Variants in SYNJ1 observed in about 807,000 individuals in gnomAD.
The protein encoded by SYNJ1 is polyphosphatidylinositol phosphatase SYNJ1.
Under a neutral mutation model 168.2 loss-of-function variants are expected in SYNJ1, and 78 were observed. That is an observed-to-expected ratio of 0.46 (90% confidence interval 0.39 to 0.56). SYNJ1 has a LOEUF of 0.56. SYNJ1 is among the 20% of genes least tolerant of loss of function. SYNJ1 has a pLI of 0.00. For synonymous variants in SYNJ1, 539 were observed against 548.6 expected (o/e 0.98, Z 0.24); for missense variants, 1,303 against 1,597.6 (o/e 0.82, Z 3.14).
chr21:32,713,901 T>A (rs1160079897), intron 2 of SYNJ1, among the ~76,000 whole-genome samples: 1 of 152,222 alleles, frequency 6.6e-6, no homozygotes, highest in African/African-American at 2.4e-5. Flanking sequence ...GAGGTCTGAA[T>A]AGTGATTATC....
intron 4 of SYNJ1, 34 bp from the exon 5 acceptor site, chr21:32,695,316 G>T: frequency 6.3e-7 from 1 of 1,581,578 alleles, no homozygotes; most frequent in Non-Finnish European, 8.6e-7. Context: ...TTAGCTTATG[G>T]AATACTAAGT....
In SYNJ1 at chr21:32,685,845, C is replaced by T; in HGVS notation, c.1021G>A (p.Gly341Arg). ...VNFDYHQMVK[G>R]GKAEKLHSVL... is the part of the protein sequence containing the mutation. ...CTATGTAATTTTTCTGCCTTTCCTC[C>T]CTTAACCATTTGATGATAGTCAAAA... Residue 341 changes from glycine to arginine, a missense_variant, in exon 9 of 33, where the codon GGA (glycine) becomes AGA (arginine). By Grantham distance (125) the Gly-to-Arg change is moderately radical (BLOSUM62 -2). Transcript: ENST00000674351. The T allele has an allele frequency of 5.6e-6, 9 of 1,613,104 alleles. No individual in the cohort carries two copies. Among genetic ancestry groups the T allele is most frequent in the Non-Finnish European group, 7.6e-6 (9 of 1,179,600 alleles).
chr21:32,709,521 G>GT (rs368352218), intron 2 of SYNJ1, among the ~76,000 whole-genome samples: 29,767 of 127,774 alleles, frequency 0.23, 3,731 homozygotes, highest in East Asian at 0.3. Context: ...TTTATGGAGT[G>GT]TTTTTTTTTT....
At chr21:32,716,666 A>G (rs1323173451) in intron 2 of SYNJ1, among the ~76,000 whole-genome samples, 1 of 152,092 alleles carries the variant, frequency 6.6e-6, no homozygotes, top group Admixed American at 6.5e-5. Context: ...AGCTTCTTGG[A>G]TATGTGGATT....
intron 26 of SYNJ1, 97 bp downstream of exon 26, chr21:32,644,871 T>C: frequency 7.5e-7 from 1 of 1,332,890 alleles, no homozygotes; most frequent in East Asian, 2.4e-5. Context: ...TAGAATGTCA[T>C]TCATTTTGAC....
intron 19 of SYNJ1, 57 bp downstream of exon 19, chr21:32,657,659 C>A: frequency 6.8e-7 from 1 of 1,467,032 alleles, no homozygotes; most frequent in Non-Finnish European, 9.1e-7. Context: ...TATGTCATTC[C>A]CTGCTTCCTC....
chr21:32,664,321 C>T (rs1304568940), intron 18 of SYNJ1, among the ~76,000 whole-genome samples: 1 of 152,030 alleles, frequency 6.6e-6, no homozygotes, highest in African/African-American at 2.4e-5. Context: ...AGGAGACCAC[C>T]CCTCATATTG....
chr21:32,657,066 T>C lies in SYNJ1; in HGVS notation c.2516A>G (p.Tyr839Cys). 1 of 1,614,190 alleles carries C rather than the reference T, an allele frequency of 6.2e-7. No homozygotes were observed. Among genetic ancestry groups the C allele is most frequent in the Non-Finnish European group, 8.5e-7 (1 of 1,180,030 alleles). Residue 839 changes from tyrosine to cysteine, a missense_variant, in exon 20 of 33, where the codon TAC becomes TGC. Tyr to Cys is a radical substitution (Grantham distance 194). Transcript: ENST00000674351. Reference protein sequence around the residue: ...ASFQDESKILYTWTPGTLLHY... With the variant: ...ASFQDESKILCTWTPGTLLHY... Reference sequence around the variant, plus strand: ...CAGCAAAGTGCCTGGAGTCCACGTGTACAGAATTTTGCTTTCATCTTGAAA... The same window carrying C: ...CAGCAAAGTGCCTGGAGTCCACGTGCACAGAATTTTGCTTTCATCTTGAAA...
intron 21 of SYNJ1, among the ~76,000 whole-genome samples, chr21:32,655,068 C>T (rs975029389): frequency 1.3e-5 from 2 of 152,222 alleles, no homozygotes; most frequent in African/African-American, 2.4e-5. Context: ...TAGTTTCTTA[C>T]CAATACTTTT....
Position 32,695,212 on chromosome 21 carries a change from A to C in SYNJ1, c.550T>G (p.Cys184Gly). The C allele has an allele frequency of 1.9e-6, 3 of 1,614,114 alleles. No individual in the cohort carries two copies. Among genetic ancestry groups the C allele is most frequent in the Non-Finnish European group, 2.5e-6 (3 of 1,180,000 alleles). Residue 184 changes from cysteine (C) to glycine (G), a missense_variant, in exon 5 of 33, where the codon TGT becomes GGT. Cys to Gly is a radical substitution (Grantham distance 159, BLOSUM62 -3). Coordinates refer to ENST00000674351, the MANE Select transcript of SYNJ1 (RefSeq NM_203446.3). ...NCDDWLLRLM[C>G]GGVEIRTIYA... ...ATTGTTCTGATTTCTACTCCTCCAC[A>C]CATAAGACGTAATAACCAGTCATCA...
At chr21:32,683,361 G>A (rs550712349) in intron 10 of SYNJ1, among the ~76,000 whole-genome samples, 1 of 151,272 alleles carries the variant, frequency 6.6e-6, no homozygotes, top group African/African-American at 2.4e-5. Context: ...AAGAAAAAAC[G>A]TTGCAAACAG....
chr21:32,632,890 C>T (rs7276140), intron 32 of SYNJ1, among the ~76,000 whole-genome samples: 82,931 of 151,774 alleles, frequency 0.55, 23,181 homozygotes, highest in African/African-American at 0.67. Context: ...CATGGTGGTG[C>T]GCGCCTATAA....
chr21:32,671,502 T>C (rs2041187124), intron 14 of SYNJ1, among the ~76,000 whole-genome samples: 1 of 152,212 alleles, frequency 6.6e-6, no homozygotes, highest in Non-Finnish European at 1.5e-5. Flanking sequence ...ACACATAAAA[T>C]GCAGCCTGGC....
intron 14 of SYNJ1, among the ~76,000 whole-genome samples, chr21:32,672,465 G>A (rs1039706691): frequency 6.6e-5 from 10 of 151,480 alleles, no homozygotes; most frequent in African/African-American, 1.7e-4. Flanking sequence ...TCAGCCTCCC[G>A]AGTAGCTGGG....
chr21:32,677,146 A>G (rs2041444096), intron 12 of SYNJ1, among the ~76,000 whole-genome samples: 1 of 152,232 alleles, frequency 6.6e-6, no homozygotes, highest in Non-Finnish European at 1.5e-5. Context: ...TGTATGGCTC[A>G]TAACACACAT....
chr21:32,684,996 G>A (rs1397564287), intron 9 of SYNJ1, among the ~76,000 whole-genome samples: 7 of 151,552 alleles, frequency 4.6e-5, no homozygotes, highest in Admixed American at 1.3e-4. Context: ...TGGCTAACAC[G>A]GTGAAACCCC....
At chr21:32,656,565 A>C (rs958048565) in intron 21 of SYNJ1, 122 bp downstream of exon 21, 4 of 779,532 alleles carry the variant, frequency 5.1e-6, no homozygotes, top group Non-Finnish European at 6.0e-6. Context: ...CTCATATACT[A>C]AACACTAAAT....
intron 31 of SYNJ1, among the ~76,000 whole-genome samples, chr21:32,635,618 G>A (rs947798211): frequency 1.3e-5 from 2 of 152,136 alleles, no homozygotes; most frequent in African/African-American, 4.8e-5. Flanking sequence ...ATAGCCTAGG[G>A]ATGTCATTAT....
At chr21:32,631,949 G>A in intron 32 of SYNJ1, 148 bp from the exon 33 acceptor site, 2 of 666,978 alleles carry the variant, frequency 3.0e-6, no homozygotes, top group South Asian at 2.8e-5. Flanking sequence ...TTACTCCGGT[G>A]GTTTAAATAA....
Sources: gnomAD v4.1 joint callset for allele counts (sites outside exome capture counted in the v4.1 genomes callset) on GRCh38, gnomAD v4.1.1 for gene constraint, MANE v1.5 for transcripts, NCBI Gene and HGNC (gene_info 2026-07-23, HGNC 2026-07-21) for gene names.